Variants in RALGAPA1 observed in about 807,000 individuals in gnomAD.
RALGAPA1 encodes the protein ral GTPase-activating protein subunit alpha-1.
RALGAPA1 carries 52 observed loss-of-function variants against 269.6 expected under a neutral mutation model. That is an observed-to-expected ratio of 0.19 (90% CI 0.15 to 0.24). RALGAPA1 has a LOEUF of 0.24. Ranked by LOEUF, RALGAPA1 falls within the 10% of genes least tolerant of loss-of-function variation. RALGAPA1 has a pLI of 1.00. For missense variants in RALGAPA1, 1,917 were observed against 3,013.9 expected (o/e 0.64, Z 8.52); for synonymous variants, 817 against 1,008.3 (o/e 0.81, Z 3.60).
At chr14:35,591,125 CA>C (rs2058608134) in intron 37 of RALGAPA1, among the ~76,000 whole-genome samples, 1 of 152,132 alleles carries the variant, frequency 6.6e-6, no homozygotes, top group Admixed American at 6.5e-5. Flanking sequence ...TGAGATACAG[CA>C]AAATGGTGGT....
intron 1 of RALGAPA1, among the ~76,000 whole-genome samples, chr14:35,778,372 A>G (rs1470768735): frequency 6.6e-6 from 1 of 152,202 alleles, no homozygotes; most frequent in East Asian, 1.9e-4. Context: ...GTGATGTCTT[A>G]TCTATGTGAT....
intron 37 of RALGAPA1, among the ~76,000 whole-genome samples, chr14:35,590,518 G>C (rs2058569925): frequency 6.6e-6 from 1 of 152,060 alleles, no homozygotes; most frequent in Non-Finnish European, 1.5e-5. Flanking sequence ...AAAGCTGATG[G>C]TTTTATAAGG....
chr14:35,649,167 G>A (rs142779991), intron 31 of RALGAPA1, among the ~76,000 whole-genome samples: 1 of 152,284 alleles, frequency 6.6e-6, no homozygotes, highest in Non-Finnish European at 1.5e-5. Context: ...GCAACAAACT[G>A]AGAACTGAAA....
intron 30 of RALGAPA1, among the ~76,000 whole-genome samples, chr14:35,652,275 C>T (rs896462924): frequency 1.1e-4 from 17 of 151,856 alleles, no homozygotes; most frequent in South Asian, 2.1e-4. Context: ...GGAGCTTGGG[C>T]GACAGAGACC....
chr14:35,733,647 G>C (rs1438854504), intron 12 of RALGAPA1, among the ~76,000 whole-genome samples: 3 of 151,950 alleles, frequency 2.0e-5, no homozygotes, highest in African/African-American at 7.3e-5. Flanking sequence ...GACAGTCTAA[G>C]GTCATACCTC....
At chr14:35,629,526 T>C (rs1000848013) in intron 33 of RALGAPA1, among the ~76,000 whole-genome samples, 1 of 152,124 alleles carries the variant, frequency 6.6e-6, no homozygotes, top group Non-Finnish European at 1.5e-5. Flanking sequence ...ATTTTTGAGA[T>C]GGAGTCTCGC....
At chr14:35,548,696 A>G (rs1292793194) in intron 40 of RALGAPA1, among the ~76,000 whole-genome samples, 158 bp from the exon 41 acceptor site, 2 of 152,206 alleles carry the variant, frequency 1.3e-5, no homozygotes, top group African/African-American at 4.8e-5. Flanking sequence ...AAATTACAGT[A>G]TTAAGTACTT....
intron 39 of RALGAPA1, among the ~76,000 whole-genome samples, chr14:35,563,820 T>C (rs1425446698): frequency 1.3e-5 from 2 of 152,146 alleles, no homozygotes; most frequent in Non-Finnish European, 2.9e-5. Flanking sequence ...GCAAAGCCTA[T>C]ATTTTCTTGA....
At chr14:35,582,643 G>A (rs1158851746) in intron 37 of RALGAPA1, among the ~76,000 whole-genome samples, 4 of 152,174 alleles carry the variant, frequency 2.6e-5, no homozygotes. Flanking sequence ...CTACTTTTGT[G>A]AGTTTTATTT....
At chr14:35,621,457 G>A (rs115668270) in intron 35 of RALGAPA1, among the ~76,000 whole-genome samples, 72 of 152,162 alleles carry the variant, frequency 4.7e-4, no homozygotes, top group African/African-American at 1.7e-3. Context: ...GCATGCGCGA[G>A]GACTTCATGA....
At chr14:35,645,457 G>A (rs924023642) in intron 31 of RALGAPA1, among the ~76,000 whole-genome samples, 1 of 151,452 alleles carries the variant, frequency 6.6e-6, no homozygotes, top group Non-Finnish European at 1.5e-5. Context: ...CAGGCCGGGC[G>A]CAATGGCTCA....
chr14:35,592,492 A>G (rs1235542707), intron 37 of RALGAPA1, among the ~76,000 whole-genome samples: 1 of 152,208 alleles, frequency 6.6e-6, no homozygotes, highest in African/African-American at 2.4e-5. Flanking sequence ...ATACTTCCAA[A>G]CATTTTATAA....
chr14:35,637,463 C>T (rs1039201748), intron 31 of RALGAPA1, among the ~76,000 whole-genome samples: 9 of 151,800 alleles, frequency 5.9e-5, no homozygotes, highest in East Asian at 1.9e-4. Flanking sequence ...AATGGCAGAA[C>T]GGATAATGCA....
intron 41 of RALGAPA1, among the ~76,000 whole-genome samples, chr14:35,543,073 G>A (rs996964124): frequency 3.3e-5 from 5 of 152,102 alleles, no homozygotes; most frequent in East Asian, 1.9e-4. Flanking sequence ...CTCCAGCGAC[G>A]ATGTGATTTG....
At chr14:35,656,034 A>G in intron 28 of RALGAPA1, 119 bp from the exon 29 acceptor site, 2 of 1,528,470 alleles carry the variant, frequency 1.3e-6, no homozygotes, top group Non-Finnish European at 1.8e-6. Flanking sequence ...TGAATTTGTT[A>G]CTCTATACAT....
intron 4 of RALGAPA1, among the ~76,000 whole-genome samples, chr14:35,768,004 T>TG (rs2074293597): frequency 1.3e-5 from 2 of 152,108 alleles, no homozygotes; most frequent in African/African-American, 4.8e-5. Flanking sequence ...CGAACTCCCA[T>TG]GCTCAAGCGA....
intron 3 of RALGAPA1, among the ~76,000 whole-genome samples, chr14:35,772,369 T>C (rs1334320998): frequency 2.6e-5 from 4 of 152,208 alleles, no homozygotes; most frequent in Admixed American, 2.0e-4. Flanking sequence ...GAGCAGGATT[T>C]AAAATTTTAG....
chr14:35,571,744 A>T (rs2057220233), intron 38 of RALGAPA1, among the ~76,000 whole-genome samples: 1 of 152,170 alleles, frequency 6.6e-6, no homozygotes, highest in South Asian at 2.1e-4. Flanking sequence ...ATGTCTTTTT[A>T]AAAATGTAAA....
At chr14:35,632,443 G>C (rs2061414247) in intron 33 of RALGAPA1, among the ~76,000 whole-genome samples, 2 of 152,130 alleles carry the variant, frequency 1.3e-5, no homozygotes, top group Non-Finnish European at 2.9e-5. Flanking sequence ...CATAATTACA[G>C]ATTATTATGG....
Sources: gnomAD v4.1 joint callset for allele counts (sites outside exome capture counted in the v4.1 genomes callset) on GRCh38, gnomAD v4.1.1 for gene constraint, MANE v1.5 for transcripts, NCBI Gene and HGNC (gene_info 2026-07-23, HGNC 2026-07-21) for gene names.